DOK6: variants seen among roughly 807,000 people sequenced by gnomAD.
DOK6 encodes downstream of tyrosine kinase 6.
A neutral mutation model predicts 44.0 loss-of-function variants in DOK6; 22 were observed. The ratio of observed to expected loss-of-function variants is 0.50; its 90% CI spans 0.36 to 0.71. The LOEUF is 0.71. DOK6 is among the 30% of genes least tolerant of loss of function. The pLI is 0.00. For missense variants in DOK6, 340 were observed against 416.4 expected (o/e 0.82, Z 1.60); for synonymous variants, 166 against 145.5 (o/e 1.14, Z -1.01).
At chr18:69,493,809 T>C (rs1402118808) in intron 1 of DOK6, among the ~76,000 whole-genome samples, 1 of 152,234 alleles carries the variant, frequency 6.6e-6, no homozygotes. Flanking sequence ...GGTTTTATTT[T>C]ATTTTATTCC....
intron 4 of DOK6, among the ~76,000 whole-genome samples, chr18:69,682,082 G>A (rs151315268): frequency 6.6e-6 from 1 of 152,256 alleles, no homozygotes; most frequent in East Asian, 1.9e-4. Flanking sequence ...CAGAACCAAA[G>A]CAATATGCTA....
At chr18:69,816,588 TA>T in intron 7 of DOK6, among the ~76,000 whole-genome samples, 2 of 152,340 alleles carry the variant, frequency 1.3e-5, no homozygotes, top group Non-Finnish European at 2.9e-5. Context: ...CAGGAGTAAA[TA>T]AATACTATAC....
intron 1 of DOK6, among the ~76,000 whole-genome samples, chr18:69,523,675 G>A (rs1981749604): frequency 6.6e-6 from 1 of 151,404 alleles, no homozygotes; most frequent in Admixed American, 6.6e-5. Flanking sequence ...TTTTCTCTTG[G>A]AAGTTTTTTT....
At chr18:69,661,983 C>G (rs1410765605) in intron 3 of DOK6, 3 of 152,150 alleles carry the variant, frequency 2.0e-5, no homozygotes, top group Non-Finnish European at 2.9e-5. Context: ...TAACCTATTT[C>G]TCACCTTGGT....
At chr18:69,455,060 AAAAAAAAAAG>A (rs1015469476) in intron 1 of DOK6, among the ~76,000 whole-genome samples, 2 of 140,338 alleles carry the variant, frequency 1.4e-5, no homozygotes, top group African/African-American at 5.2e-5. Flanking sequence ...AAAGTATAAT[AAAAAAAAAAG>A]AAAAGAAAAG....
At chr18:69,704,475 CT>C (rs10685670) in intron 5 of DOK6, among the ~76,000 whole-genome samples, 1,117 of 107,124 alleles carry the variant, frequency 0.01, 29 homozygotes, top group East Asian at 0.087. Flanking sequence ...CCAGATATGA[CT>C]TTTTTTTTTT....
At chr18:69,406,698 A>G (rs1259155920) in intron 1 of DOK6, among the ~76,000 whole-genome samples, 2 of 152,232 alleles carry the variant, frequency 1.3e-5, no homozygotes, top group Admixed American at 6.5e-5. Context: ...TCTTTCTACG[A>G]TCTACATTCC....
chr18:69,585,331 T>C (rs1983473791), intron 2 of DOK6, among the ~76,000 whole-genome samples: 1 of 151,954 alleles, frequency 6.6e-6, no homozygotes, highest in Non-Finnish European at 1.5e-5. Flanking sequence ...TTAATTGTAT[T>C]ATGGCAATAG....
At chr18:69,652,670 A>ACT (rs1180935733) in intron 3 of DOK6, among the ~76,000 whole-genome samples, 1 of 151,918 alleles carries the variant, frequency 6.6e-6, no homozygotes, top group African/African-American at 2.4e-5. Context: ...TCCCAGATAC[A>ACT]CTCTAGGATG....
rs189239027 is a variant in DOK6 at position 69,841,964 on chromosome 18, G to C, written c.*581G>C. The C allele has an allele frequency of 4.0e-5, 1 of 25,082 alleles. No homozygotes were observed. The highest frequency in any genetic ancestry group is 9.2e-5 in the African/African-American group (1 of 10,818). The allele number at this position is 25,082 out of a possible 1,614,324, so 1.6% of individuals were successfully genotyped here. ...TAGCTCTACTCGTGTGTGTGTGTGCGTGTGTGTGTGTGTGTGTAGACAAAT... is the reference window on the plus strand; with the variant it reads ...TAGCTCTACTCGTGTGTGTGTGTGCCTGTGTGTGTGTGTGTGTAGACAAAT... On this transcript the variant is annotated 3_prime_UTR_variant, in exon 8 of 8. Coordinates refer to ENST00000382713, the MANE Select transcript of DOK6 (RefSeq NM_152721.6).
chr18:69,555,882 T>TAAAC (rs1373783448), intron 1 of DOK6, among the ~76,000 whole-genome samples: 3 of 152,230 alleles, frequency 2.0e-5, no homozygotes, highest in South Asian at 2.1e-4. Context: ...ACTGACATTT[T>TAAAC]AAACAAACAA....
At chr18:69,556,548 G>A (rs1982692122) in intron 1 of DOK6, among the ~76,000 whole-genome samples, 1 of 152,142 alleles carries the variant, frequency 6.6e-6, no homozygotes, top group South Asian at 2.1e-4. Context: ...ATATTGAAAT[G>A]GTAGTTTCAT....
At chr18:69,735,208 T>G (rs1978563127) in intron 5 of DOK6, among the ~76,000 whole-genome samples, 1 of 152,234 alleles carries the variant, frequency 6.6e-6, no homozygotes, top group Non-Finnish European at 1.5e-5. Flanking sequence ...AAGAGGATAT[T>G]CTCTTAGATT....
At chr18:69,620,106 T>A (rs1172774132) in intron 3 of DOK6, among the ~76,000 whole-genome samples, 1 of 152,142 alleles carries the variant, frequency 6.6e-6, no homozygotes, top group Non-Finnish European at 1.5e-5. Flanking sequence ...TGACGTATGC[T>A]TTTAATACAA....
At chr18:69,665,085 A>T (rs1298394343) in intron 3 of DOK6, among the ~76,000 whole-genome samples, 4 of 152,006 alleles carry the variant, frequency 2.6e-5, no homozygotes, top group Non-Finnish European at 5.9e-5. Context: ...AGAGGCTGAG[A>T]CAGAAGAATC....
At chr18:69,679,752 A>G (rs1599259387) in intron 4 of DOK6, among the ~76,000 whole-genome samples, 1 of 152,206 alleles carries the variant, frequency 6.6e-6, no homozygotes, top group Non-Finnish European at 1.5e-5. Flanking sequence ...GGAGATATAT[A>G]TGGTTTCCAT....
At chr18:69,694,079 A>C (rs1219555662) in intron 4 of DOK6, among the ~76,000 whole-genome samples, 1 of 150,540 alleles carries the variant, frequency 6.6e-6, no homozygotes, top group Admixed American at 6.6e-5. Flanking sequence ...AAAAAAAAAA[A>C]AAAAAAAAAA....
intron 6 of DOK6, among the ~76,000 whole-genome samples, chr18:69,742,710 C>G (rs1978847343): frequency 6.6e-6 from 1 of 152,222 alleles, no homozygotes; most frequent in Non-Finnish European, 1.5e-5. Context: ...AGTTCCTTCT[C>G]AAGTAGCCCA....
chr18:69,491,641 G>A (rs1980737354), intron 1 of DOK6, among the ~76,000 whole-genome samples: 1 of 152,164 alleles, frequency 6.6e-6, no homozygotes, highest in Non-Finnish European at 1.5e-5. Context: ...CGTTTCCTAA[G>A]GAAGAAACAA....
Sources: allele counts gnomAD v4.1 joint callset (sites outside exome capture counted in the v4.1 genomes callset), GRCh38; gene constraint gnomAD v4.1.1; transcripts MANE v1.5; gene names NCBI Gene and HGNC (gene_info 2026-07-23, HGNC 2026-07-21).